The following PRUNE2 variants were observed in gnomAD, a reference collection of about 807,000 sequenced individuals.
PRUNE2 encodes the protein protein prune homolog 2.
PRUNE2 carries 164 observed loss-of-function variants against 252.0 expected under a neutral mutation model. The observed-to-expected ratio is 0.65, with a 90% CI of 0.57 to 0.74. PRUNE2 has a LOEUF of 0.74. Among genes scored for constraint, PRUNE2 ranks in the 30% least tolerant of loss-of-function variants. The pLI is 0.00. For synonymous variants in PRUNE2, 1,292 were observed against 1,350.2 expected (o/e 0.96, Z 0.94); for missense variants, 3,495 against 3,711.0 (o/e 0.94, Z 1.51).
chr9:76,850,071 AAC>A (rs1431810031), intron 3 of PRUNE2, among the ~76,000 whole-genome samples: 1 of 151,664 alleles, frequency 6.6e-6, no homozygotes, highest in African/African-American at 2.4e-5. Flanking sequence ...TTTTTTTTGA[AAC>A]AGTCTCACTC....
chr9:76,636,822 G>C (rs548092329), intron 14 of PRUNE2, among the ~76,000 whole-genome samples: 1 of 152,178 alleles, frequency 6.6e-6, no homozygotes, highest in African/African-American at 2.4e-5. Flanking sequence ...TGGGCGTGGT[G>C]GTGCCCGCCT....
chr9:76,744,717 T>A (rs2049951614), intron 6 of PRUNE2, among the ~76,000 whole-genome samples: 1 of 152,162 alleles, frequency 6.6e-6, no homozygotes, highest in South Asian at 2.1e-4. Flanking sequence ...TGAGCCCCTG[T>A]TTGTTTAATC....
intron 15 of PRUNE2, among the ~76,000 whole-genome samples, chr9:76,631,474 A>G (rs1286851967): frequency 1.3e-5 from 2 of 152,190 alleles, no homozygotes; most frequent in Non-Finnish European, 2.9e-5. Context: ...GATGCAGATT[A>G]TCAGCTTTCA....
At chr9:76,683,469 A>C (rs578170079) in intron 9 of PRUNE2, among the ~76,000 whole-genome samples, 2 of 152,302 alleles carry the variant, frequency 1.3e-5, no homozygotes, top group South Asian at 4.1e-4. Flanking sequence ...TCATAATATG[A>C]GCCAATTAAT....
At chr9:76,831,530 T>C (rs1377577002) in intron 4 of PRUNE2, among the ~76,000 whole-genome samples, 1 of 152,002 alleles carries the variant, frequency 6.6e-6, no homozygotes, top group Non-Finnish European at 1.5e-5. Flanking sequence ...ATTTTAATAG[T>C]AACAAACTGA....
chr9:76,857,072 T>C (rs2060293369), intron 1 of PRUNE2: 2 of 455,808 alleles, frequency 4.4e-6, no homozygotes, highest in South Asian at 1.5e-5. Flanking sequence ...TCTTTTTTCA[T>C]GGTCTCTCAT....
chr9:76,738,618 T>C (rs189960704), intron 6 of PRUNE2: 1 of 152,310 alleles, frequency 6.6e-6, no homozygotes, highest in African/African-American at 2.4e-5. Flanking sequence ...AGGCTCAAAT[T>C]ACATGATGAA....
intron 9 of PRUNE2, among the ~76,000 whole-genome samples, chr9:76,657,275 G>A (rs1458475912): frequency 2.0e-5 from 3 of 152,182 alleles, no homozygotes; most frequent in Non-Finnish European, 4.4e-5. Context: ...TTGAATTATT[G>A]AGCCTGAAAT....
chr9:76,631,387 C>A (rs1405449562), intron 15 of PRUNE2, among the ~76,000 whole-genome samples: 1 of 152,210 alleles, frequency 6.6e-6, no homozygotes, highest in African/African-American at 2.4e-5. Context: ...GCTCTTCTCT[C>A]TAATTTCAGC....
intron 6 of PRUNE2, chr9:76,739,175 C>T (rs778291376): frequency 5.9e-5 from 9 of 152,090 alleles, no homozygotes; most frequent in Non-Finnish European, 1.0e-4. Context: ...AGAAGTAAAA[C>T]AGGATACTAA....
chr9:76,731,074 A>G (rs958457077), intron 6 of PRUNE2, among the ~76,000 whole-genome samples: 7 of 152,190 alleles, frequency 4.6e-5, no homozygotes, highest in African/African-American at 1.7e-4. Context: ...TGGCAACAGA[A>G]GAGTGGCTTG....
chr9:76,833,572 T>C (rs1212804013), intron 4 of PRUNE2, among the ~76,000 whole-genome samples: 1 of 151,838 alleles, frequency 6.6e-6, no homozygotes, highest in African/African-American at 2.4e-5. Flanking sequence ...GAGACCATCC[T>C]GGCTAACACG....
At position 76,709,993 on chromosome 9, in the gene PRUNE2, G is replaced by A. The variant is rs1203474489; in HGVS notation, c.2281C>T (p.Leu761=). 3 of 1,613,642 alleles carry A rather than the reference G, an allele frequency of 1.9e-6. No individual in the cohort carries two copies. Among genetic ancestry groups the A allele is most frequent in the Non-Finnish European group, 2.5e-6 (3 of 1,179,806 alleles). The part of the protein sequence containing the change: ...PNTSPQGTNH[L]IEDFASLWHS... ...CACAAAGAAGCAAAGTCTTCTATCA[G>A]GTGGTTTGTTCCTTGGGGAGATGTA... Residue 761 remains leucine, a synonymous_variant, in exon 8 of 19, where the codon CTG becomes TTG. Transcript: ENST00000376718.
chr9:76,617,907 AG>A (rs1428701892), intron 18 of PRUNE2, among the ~76,000 whole-genome samples: 4 of 152,154 alleles, frequency 2.6e-5, no homozygotes. Context: ...TAACTGCTCA[AG>A]GGGGGTGCTG....
At chr9:76,812,776 G>A (rs2057443177) in intron 6 of PRUNE2, among the ~76,000 whole-genome samples, 1 of 152,160 alleles carries the variant, frequency 6.6e-6, no homozygotes, top group Non-Finnish European at 1.5e-5. Flanking sequence ...ATGCACATGT[G>A]TCTCTGCACA....
At chr9:76,761,413 C>T (rs1018944350) in intron 6 of PRUNE2, among the ~76,000 whole-genome samples, 3 of 152,222 alleles carry the variant, frequency 2.0e-5, no homozygotes, top group South Asian at 2.1e-4. Context: ...AAAATGGTGT[C>T]GACAAAAATT....
chr9:76,698,325 G>A (rs1159441585), intron 9 of PRUNE2, among the ~76,000 whole-genome samples: 1 of 152,184 alleles, frequency 6.6e-6, no homozygotes, highest in Non-Finnish European at 1.5e-5. Context: ...GAGATTACAG[G>A]CGTGAGCCAC....
Position 76,838,037 on chromosome 9 carries a change from C to G in PRUNE2, c.508+8478G>C, listed in dbSNP as rs902498348. 1.4e-4 allele frequency among the ~76,000 whole-genome samples: 22 copies of G among 152,206 alleles called. 2 individuals are homozygous for G. Among genetic ancestry groups the G allele is most frequent in the African/African-American group, 5.3e-4 (22 of 41,520 alleles). ...CTGCCCGCCTCAGCCTCCCAAAATG[C>G]TGGGATTACAGGTGTGAGCCACTGT... On this transcript the variant is annotated intron_variant, in intron 4 of 18. Coordinates refer to ENST00000376718, the MANE Select transcript of PRUNE2 (RefSeq NM_015225.3).
intron 7 of PRUNE2, 90 bp from the exon 8 acceptor site, chr9:76,711,448 A>G: frequency 7.7e-6 from 6 of 782,788 alleles, no homozygotes; most frequent in Non-Finnish European, 1.2e-5. Context: ...TAATTTTTAA[A>G]TATAAAATTA....
Sources: allele counts gnomAD v4.1 joint callset (sites outside exome capture counted in the v4.1 genomes callset), GRCh38; gene constraint gnomAD v4.1.1; transcripts MANE v1.5; gene names NCBI Gene and HGNC (gene_info 2026-07-23, HGNC 2026-07-21).